The following PARVA variants were observed in gnomAD, a reference collection of about 807,000 sequenced individuals.
PARVA encodes the protein alpha-parvin.
In PARVA, 25 loss-of-function variants were observed where a neutral mutation model predicts 52.6. That is an observed-to-expected ratio of 0.48 (90% CI 0.35 to 0.66). The LOEUF is 0.66. Ranked by LOEUF, PARVA falls within the 30% of genes least tolerant of loss-of-function variation. PARVA has a pLI of 0.01. For missense variants in PARVA, 373 were observed against 450.9 expected (o/e 0.83, Z 1.56); for synonymous variants, 185 against 179.1 (o/e 1.03, Z -0.26).
intron 6 of PARVA, among the ~76,000 whole-genome samples, chr11:12,505,788 T>A (rs982096670): frequency 4.6e-5 from 7 of 152,222 alleles, no homozygotes; most frequent in African/African-American, 7.2e-5. Context: ...ATCTCTGTCA[T>A]GTTATTTTTA....
intron 4 of PARVA, among the ~76,000 whole-genome samples, chr11:12,491,657 A>G (rs1416389360): frequency 6.6e-6 from 1 of 152,230 alleles, no homozygotes; most frequent in Non-Finnish European, 1.5e-5. Context: ...CACTAGGAAA[A>G]TATAGAAATT....
intron 1 of PARVA, among the ~76,000 whole-genome samples, chr11:12,471,379 A>G (rs894055407): frequency 1.3e-5 from 2 of 152,022 alleles, no homozygotes; most frequent in Non-Finnish European, 2.9e-5. Flanking sequence ...TAAAAATTTT[A>G]TTTTTTAACT....
At chr11:12,386,185 A>G (rs1161350148) in intron 1 of PARVA, among the ~76,000 whole-genome samples, 1 of 152,064 alleles carries the variant, frequency 6.6e-6, no homozygotes, top group Admixed American at 6.6e-5. Flanking sequence ...CTCCAGGACA[A>G]ACTTCTTAAC....
At chr11:12,493,528 A>T (rs1010683501) in intron 4 of PARVA, among the ~76,000 whole-genome samples, 13 of 152,190 alleles carry the variant, frequency 8.5e-5, no homozygotes, top group Non-Finnish European at 5.9e-5. Flanking sequence ...GGAAAGAAGT[A>T]AAGCAGAATT....
chr11:12,510,812 C>T (rs1032897428), intron 7 of PARVA, among the ~76,000 whole-genome samples: 4 of 152,174 alleles, frequency 2.6e-5, no homozygotes, highest in Non-Finnish European at 5.9e-5. Context: ...CCTCCCACAA[C>T]ACGTAGGAAT....
intron 12 of PARVA, among the ~76,000 whole-genome samples, chr11:12,527,361 T>G (rs912185773): frequency 6.6e-6 from 1 of 152,074 alleles, no homozygotes; most frequent in Non-Finnish European, 1.5e-5. Context: ...CTGAGGAACC[T>G]CCAGCTGAAG....
At chr11:12,452,628 C>T (rs981031372) in intron 1 of PARVA, 2 of 160,292 alleles carry the variant, frequency 1.2e-5, no homozygotes, top group African/African-American at 4.8e-5. Flanking sequence ...CTCAGTAGCC[C>T]CCAGCATTTG....
At chr11:12,376,912 C>G (rs1939397069), upstream of PARVA, among the ~76,000 whole-genome samples, 1 of 152,184 alleles carries the variant, frequency 6.6e-6, no homozygotes, top group African/African-American at 2.4e-5. Context: ...TTTTCCCATT[C>G]ATGTTTCCAC....
intron 12 of PARVA, among the ~76,000 whole-genome samples, chr11:12,527,175 C>A (rs1941714245): frequency 6.6e-6 from 1 of 152,140 alleles, no homozygotes; most frequent in Non-Finnish European, 1.5e-5. Flanking sequence ...ATTCTTTGCC[C>A]ACTTCTGTAC....
intron 1 of PARVA, among the ~76,000 whole-genome samples, chr11:12,453,239 G>T (rs1352821589): frequency 6.6e-6 from 1 of 152,040 alleles, no homozygotes; most frequent in Non-Finnish European, 1.5e-5. Context: ...GTAGGTGGGG[G>T]TGTCTGATAT....
rs1010861630 is a variant in PARVA at position 12,534,927 on chromosome 11, G to C, written c.*7002G>C. On this transcript the variant is annotated 3_prime_UTR_variant, in exon 13 of 13. Coordinates refer to ENST00000334956, the MANE Select transcript of PARVA (RefSeq NM_018222.5). ...ATCTTTCCTTATGTGTGTAATATTG[G>C]AGAATGTACACTCTCACTGAACTGG... Among the ~76,000 whole-genome samples, 1 of 152,188 alleles carries C rather than the reference G, an allele frequency of 6.6e-6. No homozygotes were observed. The highest frequency in any genetic ancestry group is 1.5e-5 in the Non-Finnish European group (1 of 68,042).
intron 1 of PARVA, among the ~76,000 whole-genome samples, chr11:12,410,391 C>G (rs1418171667): frequency 1.3e-5 from 2 of 152,256 alleles, no homozygotes; most frequent in South Asian, 2.1e-4. Context: ...TCCGGGCCAG[C>G]TGCTCCATCT....
chr11:12,436,090 G>A (rs571697346), intron 1 of PARVA, among the ~76,000 whole-genome samples: 3 of 152,226 alleles, frequency 2.0e-5, no homozygotes, highest in South Asian at 2.1e-4. Context: ...CCAAAGTGCT[G>A]GGATTACAGG....
intron 6 of PARVA, among the ~76,000 whole-genome samples, chr11:12,506,857 A>G (rs553120541): frequency 1.3e-5 from 2 of 152,320 alleles, no homozygotes; most frequent in East Asian, 3.9e-4. Context: ...GTGAGGGGTT[A>G]TTGAACCCAG....
chr11:12,414,916 G>T (rs1386708015), intron 1 of PARVA, among the ~76,000 whole-genome samples: 1 of 152,148 alleles, frequency 6.6e-6, no homozygotes, highest in Non-Finnish European at 1.5e-5. Flanking sequence ...AAGGCTTTGG[G>T]GAGGTGAAGA....
At position 12,501,476 on chromosome 11, in the gene PARVA, C is replaced by G. The variant is rs189473189; in HGVS notation, c.542-2838C>G. The stretch of plus-strand genomic sequence containing the variant: ...TTTGCAAGGAGAAACTCTAGCATCA[C>G]CAAGGAGAAGACAAGAAGTCATGGG... On this transcript the variant is annotated intron_variant, in intron 5 of 12. Transcript: ENST00000334956. Among the ~76,000 whole-genome samples the G allele has an allele frequency of 2.2e-4, 33 of 152,218 alleles. 1 individual carries two copies. In the East Asian group the frequency reaches 6.2e-3, roughly 29 times the overall value.
chr11:12,528,854 A>C lies in PARVA; in HGVS notation c.*929A>C, dbSNP rs563146724. ...CTCTGTACTTTGGTTTCAGGGTGACATTTGGGAAGGATTTTGTTTAGAATT... is the reference window on the plus strand; with the variant it reads ...CTCTGTACTTTGGTTTCAGGGTGACCTTTGGGAAGGATTTTGTTTAGAATT... On this transcript the variant is annotated 3_prime_UTR_variant, in exon 13 of 13. Coordinates refer to ENST00000334956, the MANE Select transcript of PARVA (RefSeq NM_018222.5). The C allele has an allele frequency of 6.6e-6, 1 of 152,646 alleles. No individual in the cohort carries two copies. Among genetic ancestry groups the C allele is most frequent in the South Asian group, 2.1e-4 (1 of 4,834 alleles). 9.5% of individuals were successfully genotyped at this position (152,646 alleles called of 1,614,324 possible).
At chr11:12,405,401 T>A (rs1215671976) in intron 1 of PARVA, among the ~76,000 whole-genome samples, 1 of 152,088 alleles carries the variant, frequency 6.6e-6, no homozygotes, top group Non-Finnish European at 1.5e-5. Flanking sequence ...TAGAAAAATA[T>A]ATTAAGTATA....
At chr11:12,496,344 A>ACG (rs2135059535) in intron 4 of PARVA, 114 bp from the exon 5 acceptor site, 2 of 1,107,558 alleles carry the variant, frequency 1.8e-6, no homozygotes, top group East Asian at 2.6e-5. Context: ...CTATTGTTGC[A>ACG]AGAGTGCATG....
Sources: gnomAD v4.1 joint callset for allele counts (sites outside exome capture counted in the v4.1 genomes callset) on GRCh38, gnomAD v4.1.1 for gene constraint, MANE v1.5 for transcripts, NCBI Gene and HGNC (gene_info 2026-07-23, HGNC 2026-07-21) for gene names.